The following UGT8 variants were observed in gnomAD, a reference collection of about 807,000 sequenced individuals.
The protein encoded by UGT8 is 2-hydroxyacylsphingosine 1-beta-galactosyltransferase.
UGT8 carries 12 observed loss-of-function variants against 40.5 expected under a neutral mutation model. The ratio of observed to expected loss-of-function variants is 0.30; its 90% CI spans 0.19 to 0.48. The LOEUF (loss-of-function observed/expected upper bound fraction) is 0.48, where lower values mean the gene tolerates loss of function less well. Ranked by LOEUF, UGT8 falls within the 20% of genes least tolerant of loss-of-function variation. The pLI, the probability that UGT8 is intolerant of heterozygous loss-of-function variation, is 0.99. For synonymous variants in UGT8, 224 were observed against 240.4 expected, an observed-to-expected ratio of 0.93 and a Z score of 0.63; for missense variants, 513 against 648.7, an observed-to-expected ratio of 0.79 and a Z score of 2.27.
chr4:114,672,811 AC>A (rs1735383837), intron 5 of UGT8, among the ~76,000 whole-genome samples: 1 of 151,910 alleles, frequency 6.6e-6, no homozygotes. Context: ...GAACAACAAA[AC>A]CCCCCAAAAG....
At chr4:114,645,824 G>T (rs1406115640) in intron 2 of UGT8, among the ~76,000 whole-genome samples, 1 of 152,144 alleles carries the variant, frequency 6.6e-6, no homozygotes, top group Non-Finnish European at 1.5e-5. Context: ...GGATAGATTA[G>T]TGAAATAGGT....
intron 1 of UGT8, among the ~76,000 whole-genome samples, chr4:114,605,821 T>C (rs1335984892): frequency 6.6e-6 from 1 of 152,138 alleles, no homozygotes; most frequent in African/African-American, 2.4e-5. Context: ...AGGGCAAACA[T>C]TTAACACTTC....
chr4:114,613,606 G>A (rs566366576), intron 1 of UGT8, among the ~76,000 whole-genome samples: 2 of 152,152 alleles, frequency 1.3e-5, no homozygotes, highest in African/African-American at 4.8e-5. Flanking sequence ...CAAGATAATT[G>A]AGCTTTAATT....
chr4:114,618,009 T>C (rs1247649881), intron 1 of UGT8, among the ~76,000 whole-genome samples: 1 of 152,190 alleles, frequency 6.6e-6, no homozygotes, highest in East Asian at 1.9e-4. Context: ...ATCAGTTTCA[T>C]CTTTACTTTG....
chr4:114,602,401 A>C (rs1022291690), intron 1 of UGT8, among the ~76,000 whole-genome samples: 30 of 152,218 alleles, frequency 2.0e-4, no homozygotes, highest in South Asian at 4.1e-4. Flanking sequence ...GAATTATTTA[A>C]ATATTATTTT....
At chr4:114,659,358 TTATAGA>T (rs1355174977) in intron 2 of UGT8, among the ~76,000 whole-genome samples, 1 of 152,172 alleles carries the variant, frequency 6.6e-6, no homozygotes, top group African/African-American at 2.4e-5. Flanking sequence ...CAAAATTACT[TTATAGA>T]TATCTGTTAC....
chr4:114,627,753 A>G (rs1401541646), intron 2 of UGT8, among the ~76,000 whole-genome samples: 1 of 152,200 alleles, frequency 6.6e-6, no homozygotes, highest in Non-Finnish European at 1.5e-5. Flanking sequence ...GAAATGGCCT[A>G]CGCTGCCAGG....
intron 2 of UGT8, among the ~76,000 whole-genome samples, chr4:114,635,986 T>C (rs1027496160): frequency 2.0e-5 from 3 of 152,186 alleles, no homozygotes; most frequent in Non-Finnish European, 4.4e-5. Context: ...TCAGAACATA[T>C]GGGATTCTGA....
intron 2 of UGT8, among the ~76,000 whole-genome samples, chr4:114,642,303 GTGT>G (rs2126114691): frequency 6.6e-6 from 1 of 152,052 alleles, no homozygotes; most frequent in Non-Finnish European, 1.5e-5. Flanking sequence ...CTATTTTATA[GTGT>G]TGTTTTGCAG....
intron 2 of UGT8, among the ~76,000 whole-genome samples, chr4:114,623,958 T>A (rs1480198485): frequency 6.6e-6 from 1 of 152,182 alleles, no homozygotes; most frequent in African/African-American, 2.4e-5. Context: ...TGGGAAGTAG[T>A]TTTCTGATTA....
intron 2 of UGT8, among the ~76,000 whole-genome samples, chr4:114,658,905 T>TG (rs1334171037): frequency 6.6e-6 from 1 of 152,156 alleles, no homozygotes; most frequent in Non-Finnish European, 1.5e-5. Context: ...TGGGAGTAGT[T>TG]GCTCCCCGAG....
At chr4:114,600,544 C>G (rs1378901570) in intron 1 of UGT8, among the ~76,000 whole-genome samples, 1 of 152,022 alleles carries the variant, frequency 6.6e-6, no homozygotes, top group Non-Finnish European at 1.5e-5. Flanking sequence ...TTTTGGGGTA[C>G]ATGTGAAGGG....
intron 1 of UGT8, among the ~76,000 whole-genome samples, chr4:114,618,541 G>C (rs1380136367): frequency 2.0e-5 from 3 of 152,110 alleles, no homozygotes; most frequent in South Asian, 2.1e-4. Context: ...TTCCAGTGGA[G>C]CTTCGGGAGA....
intron 1 of UGT8, among the ~76,000 whole-genome samples, chr4:114,612,969 C>A (rs1055929947): frequency 6.6e-6 from 1 of 152,108 alleles, no homozygotes; most frequent in Non-Finnish European, 1.5e-5. Flanking sequence ...ATATCAATCT[C>A]ATTAAACCTA....
Position 114,676,199 on chromosome 4 carries a change from A to G in UGT8, c.1537A>G (p.Ser513Gly), listed in dbSNP as rs1735635388. The G allele has an allele frequency of 6.2e-7, 1 of 1,614,216 alleles. No individual in the cohort carries two copies. Residue 513 changes from serine (S) to glycine (G), a missense_variant, in exon 6 of 6, where the codon AGC becomes GGC. Coordinates refer to ENST00000310836, the MANE Select transcript of UGT8 (RefSeq NM_001128174.3). ...AAGTCTGTGGTCTAGAAATAAGCAT[A>G]GCACAGTTAATGGACATTACCACAA... ...IKSLWSRNKH[S>G]TVNGHYHNGI... is the part of the protein sequence containing the mutation.
At chr4:114,637,764 A>ATT (rs979592460) in intron 2 of UGT8, among the ~76,000 whole-genome samples, 85 of 152,314 alleles carry the variant, frequency 5.6e-4, no homozygotes, top group African/African-American at 1.7e-3. Context: ...TGGTTATTTT[A>ATT]TTTCCAAGCC....
intron 2 of UGT8, among the ~76,000 whole-genome samples, chr4:114,644,247 G>A (rs887083392): frequency 1.3e-5 from 2 of 152,160 alleles, no homozygotes; most frequent in African/African-American, 4.8e-5. Context: ...CATGTGTAGA[G>A]TGCTATAATT....
intron 5 of UGT8, among the ~76,000 whole-genome samples, chr4:114,674,492 G>A (rs994677840): frequency 1.3e-5 from 2 of 152,032 alleles, no homozygotes; most frequent in East Asian, 1.9e-4. Context: ...TCTTTTTAAT[G>A]GACTTTCCAT....
At chr4:114,609,201 A>G (rs1578401149) in intron 1 of UGT8, among the ~76,000 whole-genome samples, 1 of 152,062 alleles carries the variant, frequency 6.6e-6, no homozygotes, top group Non-Finnish European at 1.5e-5. Context: ...GATCGTGCCT[A>G]TGAATAGCCA....
Sources: allele counts gnomAD v4.1 joint callset (sites outside exome capture counted in the v4.1 genomes callset), GRCh38; gene constraint gnomAD v4.1.1; transcripts MANE v1.5; gene names NCBI Gene and HGNC (gene_info 2026-07-23, HGNC 2026-07-21).